Variants in TOM1 observed in about 807,000 individuals in gnomAD.
The protein encoded by TOM1 is target of Myb protein 1.
In TOM1, 38 loss-of-function variants were observed where a neutral mutation model predicts 61.3. That is an observed-to-expected ratio of 0.62 (90% CI 0.48 to 0.81). The LOEUF is 0.81. Among genes scored for constraint, TOM1 ranks in the 40% least tolerant of loss-of-function variants. The pLI, the probability that TOM1 is intolerant of heterozygous loss-of-function variation, is 0.00. For synonymous variants in TOM1, 270 were observed against 268.8 expected, an observed-to-expected ratio of 1.00 and a Z score of -0.04; for missense variants, 591 against 659.6, an observed-to-expected ratio of 0.90 and a Z score of 1.14.
At chr22:35,324,207 C>G (rs1243621282) in intron 6 of TOM1, among the ~76,000 whole-genome samples, 2 of 152,174 alleles carry the variant, frequency 1.3e-5, no homozygotes, top group Non-Finnish European at 2.9e-5. Flanking sequence ...CTGCGGGGCC[C>G]TCCAACAGCA....
intron 7 of TOM1, among the ~76,000 whole-genome samples, chr22:35,328,674 C>T (rs974741652): frequency 3.3e-5 from 5 of 152,178 alleles, no homozygotes; most frequent in African/African-American, 1.2e-4. Flanking sequence ...GCCCTGTCCC[C>T]GTGCTAAGGG....
intron 1 of TOM1, among the ~76,000 whole-genome samples, chr22:35,306,473 T>A (rs147868308): frequency 8.5e-5 from 13 of 152,306 alleles, no homozygotes; most frequent in African/African-American, 3.1e-4. Context: ...TAGAAAGGGC[T>A]TTGTATCAGC....
chr22:35,311,465 G>C (rs1926816495), intron 1 of TOM1, among the ~76,000 whole-genome samples: 1 of 152,202 alleles, frequency 6.6e-6, no homozygotes, highest in Non-Finnish European at 1.5e-5. Context: ...TCTGTCCTTA[G>C]CCTGGTGGCT....
intron 12 of TOM1, among the ~76,000 whole-genome samples, chr22:35,341,386 C>T (rs995446388): frequency 2.6e-5 from 4 of 152,170 alleles, no homozygotes; most frequent in Admixed American, 1.3e-4. Context: ...CCTAGGGTCT[C>T]GTAGGTATTG....
At chr22:35,331,477 A>C in intron 8 of TOM1, 1 of 348,784 alleles carries the variant, frequency 2.9e-6, no homozygotes, top group Non-Finnish European at 5.7e-6. Context: ...GCTGAGCTTC[A>C]TTGTGCCTAC....
In TOM1 at chr22:35,327,357, G is replaced by A. The variant is rs577730267; in HGVS notation, c.735G>A (p.Gln245=). The change falls in exon 7 of 15, where the codon CAG becomes CAA. Residue 245 remains glutamine (Q), a synonymous_variant. Transcript: ENST00000449058. ...SEMLTELVPT[Q]AEPADLELLQ... ...TGCTGACGGAGCTGGTGCCCACCCAGGCCGAGCCCGCAGACCTGGAGCTGC... is the reference window on the plus strand; with the variant it reads ...TGCTGACGGAGCTGGTGCCCACCCAAGCCGAGCCCGCAGACCTGGAGCTGC... 218 of 1,613,730 alleles carry A rather than the reference G, an allele frequency of 1.4e-4. 1 individual carries two copies. Among genetic ancestry groups the A allele is most frequent in the South Asian group, 1.2e-3 (105 of 91,074 alleles).
At chr22:35,321,306 G>T (rs1231026331) in intron 2 of TOM1, among the ~76,000 whole-genome samples, 1 of 151,720 alleles carries the variant, frequency 6.6e-6, no homozygotes, top group East Asian at 1.9e-4. Context: ...TGAGAATTTG[G>T]TTCAGGTGGT....
At chr22:35,321,556 G>A (rs562263177) in intron 2 of TOM1, among the ~76,000 whole-genome samples, 3 of 152,032 alleles carry the variant, frequency 2.0e-5, no homozygotes, top group African/African-American at 4.8e-5. Flanking sequence ...ATACCACCAC[G>A]CCCGGCAAAT....
At chr22:35,315,918 G>A (rs372211207) in intron 1 of TOM1, among the ~76,000 whole-genome samples, 18 of 152,092 alleles carry the variant, frequency 1.2e-4, no homozygotes, top group East Asian at 5.8e-4. Context: ...GCCTGGAACC[G>A]GCTTGGCTTA....
chr22:35,342,663 G>A (rs1211680856), intron 12 of TOM1, among the ~76,000 whole-genome samples: 3 of 151,570 alleles, frequency 2.0e-5, no homozygotes, highest in Admixed American at 6.6e-5. Context: ...CCCCCCGGTG[G>A]GTACCACAAT....
intron 12 of TOM1, among the ~76,000 whole-genome samples, chr22:35,339,456 T>C (rs1427683250): frequency 6.6e-6 from 1 of 152,180 alleles, no homozygotes; most frequent in African/African-American, 2.4e-5. Flanking sequence ...TATCTGTACA[T>C]TGGGGCTTAT....
intron 1 of TOM1, among the ~76,000 whole-genome samples, chr22:35,315,615 T>C (rs1175157940): frequency 2.0e-5 from 3 of 152,018 alleles, no homozygotes; most frequent in Admixed American, 2.0e-4. Context: ...GATCTAGGGG[T>C]AAAGCAACCG....
chr22:35,331,236 C>G, intron 8 of TOM1: 2 of 425,894 alleles, frequency 4.7e-6, no homozygotes, highest in South Asian at 3.5e-5. Context: ...GCCGGGACTA[C>G]AGGCATGCAC....
intron 1 of TOM1, among the ~76,000 whole-genome samples, chr22:35,308,002 G>T (rs187816286): frequency 6.6e-6 from 1 of 152,180 alleles, no homozygotes; most frequent in Non-Finnish European, 1.5e-5. Flanking sequence ...AATAACATGG[G>T]TGGGCCTCGT....
At chr22:35,316,227 G>A (rs1927265873) in intron 1 of TOM1, among the ~76,000 whole-genome samples, 1 of 152,226 alleles carries the variant, frequency 6.6e-6, no homozygotes, top group African/African-American at 2.4e-5. Context: ...TGTCAGAACA[G>A]GGTCTCACCC....
chr22:35,339,474 C>CACTTTATAATAGAATATTATTATATATT, intron 12 of TOM1, among the ~76,000 whole-genome samples: 1 of 152,190 alleles, frequency 6.6e-6, no homozygotes, highest in African/African-American at 2.4e-5. Flanking sequence ...TATCCTAGCA[C>CACTTTATAATAGAATATTATTATATATT]CTATACTTGT....
At chr22:35,345,572 T>C in intron 12 of TOM1, 153 bp from the exon 13 acceptor site, 1 of 711,476 alleles carries the variant, frequency 1.4e-6, no homozygotes, top group South Asian at 1.6e-5. Context: ...ACCCACAGCC[T>C]GGCACAGCGG....
rs1243132630 is a variant in TOM1, at chr22:35,299,914, G to A, written c.-15G>A. 1.3e-6 allele frequency: 2 copies of A among 1,577,986 alleles called. No homozygotes were observed. The highest frequency in any genetic ancestry group is 1.7e-6 in the Non-Finnish European group (2 of 1,160,078). On this transcript the variant is annotated 5_prime_UTR_variant, in exon 1 of 15. Transcript: ENST00000449058. ...CAGCTGATTCCCGGGGTTGGTGGCA[G>A]CGGCGGTAGCAGCAATGGACTTTCT...
chr22:35,332,228 T>G (rs1356559184), intron 8 of TOM1, among the ~76,000 whole-genome samples: 1 of 152,136 alleles, frequency 6.6e-6, no homozygotes, highest in Non-Finnish European at 1.5e-5. Context: ...CCTGCCATTT[T>G]GGGGTATGGG....
Sources: gnomAD v4.1 joint callset for allele counts (sites outside exome capture counted in the v4.1 genomes callset) on GRCh38, gnomAD v4.1.1 for gene constraint, MANE v1.5 for transcripts, NCBI Gene and HGNC (gene_info 2026-07-23, HGNC 2026-07-21) for gene names.